Variants in ADRA1D observed in about 807,000 individuals in gnomAD.
The protein encoded by ADRA1D is alpha-1D adrenergic receptor.
In ADRA1D, 22 loss-of-function variants were observed where a neutral mutation model predicts 18.6. That is an observed-to-expected ratio of 1.19 (90% confidence interval 0.85 to 1.69). ADRA1D has a LOEUF of 1.69. Ranked by LOEUF, ADRA1D falls within the 40% of genes most tolerant of loss-of-function variation. The pLI is 0.00. For synonymous variants in ADRA1D, 376 were observed against 388.2 expected (o/e 0.97, Z 0.37); for missense variants, 840 against 840.7 (o/e 1.00, Z 0.01).
chr20:4,248,562 G>A lies in ADRA1D; in HGVS notation c.396C>T (p.Asn132=). 1.2e-6 allele frequency: 2 copies of A among 1,613,906 alleles called. No individual in the cohort carries two copies. The highest frequency in any genetic ancestry group is 1.3e-5 in the African/African-American group (1 of 75,064). The change falls in exon 1 of 2, where the codon AAC becomes AAT. Residue 132 remains asparagine, a synonymous_variant. Transcript: ENST00000379453. ...ACNRHLQTVT[N]YFIVNLAVAD... ...CCACGGCCAGGTTCACGATGAAATA[G>A]TTGGTGACGGTCTGCAGGTGGCGGT... is the stretch of plus-strand genomic sequence containing the variant.
chr20:4,225,428 C>CT (rs11474446), intron 1 of ADRA1D, among the ~76,000 whole-genome samples: 6,228 of 119,382 alleles, frequency 0.052, 502 homozygotes, highest in East Asian at 0.28. Context: ...TTTTTTCTTT[C>CT]TTTTTTTTTT....
In ADRA1D at chr20:4,221,859, C is replaced by T; in HGVS notation, c.1383G>A (p.Pro461=). Residue 461 remains proline, a synonymous_variant, in exon 2 of 2, where the codon CCG becomes CCA. Coordinates refer to ENST00000379453, the MANE Select transcript of ADRA1D (RefSeq NM_000678.4). ...PSSGDAPPGA[P]LALTALPDPD... ...GGTCGGGGAGCGCGGTGAGGGCCAG[C>T]GGCGCTCCGGGGGGCGCGTCGCCCG... The T allele has an allele frequency of 6.8e-7, 1 of 1,465,394 alleles. No homozygotes were observed. The highest frequency in any genetic ancestry group is 2.7e-5 in the East Asian group (1 of 37,522). 90.8% of individuals were successfully genotyped at this position (1,465,394 alleles called of 1,614,324 possible).
At chr20:4,237,784 C>T (rs1434928994) in intron 1 of ADRA1D, among the ~76,000 whole-genome samples, 5 of 151,682 alleles carry the variant, frequency 3.3e-5, no homozygotes, top group African/African-American at 1.2e-4. Context: ...CTGCCTCAGC[C>T]TCCCAAATAG....
chr20:4,221,702 CTT>C lies in ADRA1D; in HGVS notation c.1538_1539del (p.Lys513SerfsTer75), dbSNP rs773940143. On this transcript the variant is annotated frameshift_variant, in exon 2 of 2. Coordinates refer to ENST00000379453, the MANE Select transcript of ADRA1D (RefSeq NM_000678.4). LOFTEE classifies it low-confidence loss of function (END_TRUNC). ...CGGATCTTGTGCGACAGGCTGGAGA[CTT>C]TGGCGCGCAGCTGGGTCGTGGGTCT... is the stretch of plus-strand genomic sequence containing the variant. Reference protein sequence around the residue: ...FRRPTTQLRAKVSSLSHKIRA... With the variant: ...FRRPTTQLRAXVSSLSHKIRA... 1.2e-6 allele frequency: 2 copies of C among 1,611,012 alleles called. No homozygotes were observed. Among genetic ancestry groups the C allele is most frequent in the Admixed American group, 1.7e-5 (1 of 59,956 alleles).
At chr20:4,233,822 C>T (rs1981026872) in intron 1 of ADRA1D, among the ~76,000 whole-genome samples, 1 of 152,120 alleles carries the variant, frequency 6.6e-6, no homozygotes, top group African/African-American at 2.4e-5. Context: ...GCTGCATGAA[C>T]CCACCTCTGA....
In ADRA1D at chr20:4,248,825, C is replaced by G. The variant is rs1172137211; in HGVS notation, c.133G>C (p.Gly45Arg). The stretch of plus-strand genomic sequence containing the variant: ...CCGCCGCCCGCGCCCCCCGGCACGC[C>G]GCCCACCGCCGGGCCCTCCGAGGGG... ...AAPSEGPAVG[G>R]VPGGAGGGGG... is the part of the protein sequence containing the mutation. The change falls in exon 1 of 2, where the codon GGC becomes CGC. Residue 45 changes from glycine to arginine, a missense_variant. By Grantham distance (125) the Gly-to-Arg change is moderately radical (BLOSUM62 -2). Coordinates refer to ENST00000379453, the MANE Select transcript of ADRA1D (RefSeq NM_000678.4). 2 of 1,028,012 alleles carry G rather than the reference C, an allele frequency of 1.9e-6. No homozygotes were observed. The highest frequency in any genetic ancestry group is 2.3e-6 in the Non-Finnish European group (2 of 860,262). 63.7% of individuals were successfully genotyped at this position (1,028,012 alleles called of 1,614,324 possible). A position where few individuals can be genotyped will look rare whatever the true frequency, so the allele number is the denominator to read the frequency against.
Position 4,223,655 on chromosome 20 carries a change from C to T in ADRA1D, c.1112-1525G>A, listed in dbSNP as rs540498697. On this transcript the variant is annotated intron_variant, in intron 1 of 1. Coordinates refer to ENST00000379453, the MANE Select transcript of ADRA1D (RefSeq NM_000678.4). The stretch of plus-strand genomic sequence containing the variant: ...CAATGGTGCAAAAGTGATACGCGTT[C>T]AGTAGAAACCATACTTCAAGTACCC... Among the ~76,000 whole-genome samples the T allele has an allele frequency of 2.0e-5, 3 of 152,224 alleles. No individual in the cohort carries two copies. In the South Asian group the frequency reaches 6.2e-4, roughly 32 times the overall value.
At position 4,249,014 on chromosome 20, in the gene ADRA1D, AG is replaced by A; in HGVS notation, c.-58del. ...GGCACAGAACGAGCGGCCGGCAGGG[AG>A]GGGAGCACAGGGCATAGCCGCGGGG... On this transcript the variant is annotated 5_prime_UTR_variant, in exon 1 of 2. It removes the in-frame stop codon of an upstream open reading frame in the 5' UTR. Transcript: ENST00000379453. 1 of 1,198,306 alleles carries A rather than the reference AG, an allele frequency of 8.3e-7. No individual in the cohort carries two copies. The highest frequency in any genetic ancestry group is 1.1e-6 in the Non-Finnish European group (1 of 948,704). The allele number at this position is 1,198,306 out of a possible 1,614,324, so 74.2% of individuals were successfully genotyped here.
chr20:4,226,344 G>T (rs1365630851), intron 1 of ADRA1D, among the ~76,000 whole-genome samples: 1 of 152,236 alleles, frequency 6.6e-6, no homozygotes, highest in African/African-American at 2.4e-5. Flanking sequence ...GGCTCTCCCA[G>T]AGCAGACTGA....
At chr20:4,240,374 T>G (rs1981184362) in intron 1 of ADRA1D, among the ~76,000 whole-genome samples, 1 of 151,082 alleles carries the variant, frequency 6.6e-6, no homozygotes, top group Admixed American at 6.6e-5. Context: ...TTGATGATAT[T>G]AAATGATTTT....
chr20:4,228,767 C>T (rs1394972094), intron 1 of ADRA1D, among the ~76,000 whole-genome samples: 1 of 152,226 alleles, frequency 6.6e-6, no homozygotes, highest in Non-Finnish European at 1.5e-5. Flanking sequence ...ATCGCTCCTC[C>T]TACCCAAGGT....
rs1171796790 is a variant in ADRA1D at position 4,231,039 on chromosome 20, T to TC, written c.1112-8910_1112-8909insG. Among the ~76,000 whole-genome samples, 116 of 19,032 alleles carry TC rather than the reference T, an allele frequency of 6.1e-3. 1 individual carries two copies. Among genetic ancestry groups the TC allele is most frequent in the African/African-American group, 0.026 (85 of 3,228 alleles). 12.5% of individuals were successfully genotyped at this position (19,032 alleles called of 152,430 possible). ...TCTTTTCTCTTTCTCTTTCTTTCTT[T>TC]TTCTTTCTTTCTTTCTTTCTTTCTT... On this transcript the variant is annotated intron_variant, in intron 1 of 1. Coordinates refer to ENST00000379453, the MANE Select transcript of ADRA1D (RefSeq NM_000678.4).
In ADRA1D at chr20:4,225,191, G is replaced by A. The variant is rs970277287; in HGVS notation, c.1112-3061C>T. 4.6e-5 allele frequency among the ~76,000 whole-genome samples: 7 copies of A among 151,238 alleles called. No homozygotes were observed. The South Asian group carries it at 1.0e-3, about 23-fold the overall frequency. On this transcript the variant is annotated intron_variant, in intron 1 of 1. Transcript: ENST00000379453. ...TAATTTTTGTATTTTTAGTAGAGAC[G>A]GGGTTTCACCATGTTGATCAGGCTG...
intron 1 of ADRA1D, among the ~76,000 whole-genome samples, chr20:4,240,111 A>G (rs1246440049): frequency 6.6e-6 from 1 of 152,214 alleles, no homozygotes; most frequent in South Asian, 2.1e-4. Context: ...CCCAGGAAGT[A>G]CAGGGAACAG....
rs902472550 is a variant in ADRA1D, at chr20:4,229,251, C to G, written c.1112-7121G>C. On this transcript the variant is annotated intron_variant, in intron 1 of 1. Coordinates refer to ENST00000379453, the MANE Select transcript of ADRA1D (RefSeq NM_000678.4). ...CTTAATTCCAGACTCATAGATCCAG[C>G]TGCCTCCTAGACATCTCCACTTGGG... is the stretch of plus-strand genomic sequence containing the variant. Among the ~76,000 whole-genome samples, 11 of 152,170 alleles carry G rather than the reference C, an allele frequency of 7.2e-5. No individual in the cohort carries two copies. The East Asian group carries it at 9.6e-4, about 13-fold the overall frequency.
intron 1 of ADRA1D, among the ~76,000 whole-genome samples, chr20:4,225,667 C>T (rs1381816262): frequency 1.3e-5 from 2 of 151,948 alleles, no homozygotes; most frequent in Non-Finnish European, 1.5e-5. Context: ...CCGCCTGCCT[C>T]AGCCTCCCAA....
chr20:4,241,054 G>A (rs965729161), intron 1 of ADRA1D, among the ~76,000 whole-genome samples: 1 of 151,256 alleles, frequency 6.6e-6, no homozygotes, highest in Non-Finnish European at 1.5e-5. Context: ...TTTTTTTTAG[G>A]CCACAAAAAT....
chr20:4,243,430 G>A (rs1444058874), intron 1 of ADRA1D, among the ~76,000 whole-genome samples: 1 of 152,208 alleles, frequency 6.6e-6, no homozygotes, highest in Non-Finnish European at 1.5e-5. Context: ...GCCCGCACCA[G>A]CTTGCTGCGG....
chr20:4,223,323 G>A (rs1447610559), intron 1 of ADRA1D, among the ~76,000 whole-genome samples: 2 of 152,082 alleles, frequency 1.3e-5, no homozygotes, highest in East Asian at 3.8e-4. Context: ...AGTTTCATTT[G>A]TAATCTTTTG....
Sources: allele counts gnomAD v4.1 joint callset (sites outside exome capture counted in the v4.1 genomes callset), GRCh38; gene constraint gnomAD v4.1.1; transcripts MANE v1.5; gene names NCBI Gene and HGNC (gene_info 2026-07-23, HGNC 2026-07-21).